The following TPO variants were observed in gnomAD, a reference collection of about 807,000 sequenced individuals.
The protein encoded by TPO is thyroid peroxidase, also known as thyroid microsomal antigen.
Under a neutral mutation model 96.9 loss-of-function variants are expected in TPO, and 78 were observed. The ratio of observed to expected loss-of-function variants is 0.81; its 90% CI spans 0.67 to 0.97. The LOEUF (loss-of-function observed/expected upper bound fraction) is 0.97. TPO is among the 50% of genes least tolerant of loss of function. The pLI, the probability that TPO is intolerant of heterozygous loss-of-function variation, is 0.00. For missense variants in TPO, 1,252 were observed against 1,274.8 expected, an observed-to-expected ratio of 0.98 and a Z score of 0.27; for synonymous variants, 547 against 538.0, an observed-to-expected ratio of 1.02 and a Z score of -0.23.
At chr2:1,489,055 C>T (rs184969423) in intron 10 of TPO, among the ~76,000 whole-genome samples, 8 of 151,446 alleles carry the variant, frequency 5.3e-5, no homozygotes, top group East Asian at 3.9e-4. Flanking sequence ...AGCACACACC[C>T]GCACATGCCC....
At chr2:1,416,869 G>A (rs1194687231) in intron 2 of TPO, among the ~76,000 whole-genome samples, 1 of 152,224 alleles carries the variant, frequency 6.6e-6, no homozygotes, top group Non-Finnish European at 1.5e-5. Flanking sequence ...CCCAGCCTCT[G>A]TGCAGGACAA....
intron 14 of TPO, among the ~76,000 whole-genome samples, chr2:1,511,699 T>G (rs1674150709): frequency 1.3e-5 from 2 of 152,170 alleles, no homozygotes; most frequent in South Asian, 4.1e-4. Flanking sequence ...TGGCCTCATC[T>G]CCTCATCTCA....
chr2:1,488,862 C>T (rs549805120), intron 10 of TPO, among the ~76,000 whole-genome samples: 20 of 152,282 alleles, frequency 1.3e-4, no homozygotes, highest in African/African-American at 4.6e-4. Context: ...GATCAGCAGC[C>T]ACACAGGCTG....
chr2:1,426,172 C>T (rs1477079692), intron 3 of TPO, among the ~76,000 whole-genome samples: 1 of 138,654 alleles, frequency 7.2e-6, no homozygotes, highest in Non-Finnish European at 1.5e-5. Context: ...GAGATGAGTT[C>T]GATCATTTCA....
rs1573351984 is a variant in TPO, at chr2:1,477,607, G to A, written c.1338+3G>A. 6.6e-7 allele frequency: 1 copy of A among 1,517,088 alleles called. No individual in the cohort carries two copies. Among genetic ancestry groups the A allele is most frequent in the Non-Finnish European group, 8.8e-7 (1 of 1,138,246 alleles). The allele number at this position is 1,517,088 out of a possible 1,614,324, so 94.0% of individuals were successfully genotyped here. On this transcript the variant is annotated splice_donor_region_variant and intron_variant, in intron 8 of 16. Transcript: ENST00000329066. ...AGGTCGTGGGCGCTCTGCACCAGGTGCGCGGGGTGGTCCTGGGCGCCCTGG... is the reference window on the plus strand; with the variant it reads ...AGGTCGTGGGCGCTCTGCACCAGGTACGCGGGGTGGTCCTGGGCGCCCTGG...
chr2:1,414,352 T>C lies in TPO; in HGVS notation c.-1-56T>C, dbSNP rs547926253. 1.2e-4 allele frequency: 180 copies of C among 1,526,408 alleles called. No homozygotes were observed. The African/African-American group carries it at 2.1e-3, about 18-fold the overall frequency. 94.6% of individuals were successfully genotyped at this position (1,526,408 alleles called of 1,614,324 possible). On this transcript the variant is annotated intron_variant, in intron 1 of 16. Coordinates refer to ENST00000329066, the MANE Select transcript of TPO (RefSeq NM_001206744.2). ...AGCAGGGAGACAAGGACACAGCGGTTCCCATGGCCTTGTCAGTGCTTGATT... is the reference window on the plus strand; with the variant it reads ...AGCAGGGAGACAAGGACACAGCGGTCCCCATGGCCTTGTCAGTGCTTGATT...
intron 1 of TPO, among the ~76,000 whole-genome samples, chr2:1,396,400 A>G (rs538238983): frequency 6.6e-6 from 1 of 152,368 alleles, no homozygotes; most frequent in East Asian, 1.9e-4. Context: ...TGGCAGAAGT[A>G]TAGACGTCCC....
chr2:1,499,886 G>A (rs1672706064), intron 13 of TPO, among the ~76,000 whole-genome samples: 1 of 152,188 alleles, frequency 6.6e-6, no homozygotes, highest in Non-Finnish European at 1.5e-5. Context: ...TGTGAAATGA[G>A]GACAGGAATA....
At chr2:1,393,967 ATGT>A (rs1662042651) in intron 1 of TPO, among the ~76,000 whole-genome samples, 1 of 152,214 alleles carries the variant, frequency 6.6e-6, no homozygotes, top group South Asian at 2.1e-4. Context: ...TAATTCGTTG[ATGT>A]TTATGTGTCA....
chr2:1,490,092 GAC>G, intron 10 of TPO, among the ~76,000 whole-genome samples: 1 of 71,526 alleles, frequency 1.4e-5, no homozygotes, highest in African/African-American at 8.2e-5. Context: ...GGGGAGTCAC[GAC>G]ACAGCAGTGT....
intron 11 of TPO, among the ~76,000 whole-genome samples, chr2:1,494,409 C>G (rs113803019): frequency 6.6e-6 from 1 of 152,242 alleles, no homozygotes; most frequent in African/African-American, 2.4e-5. Context: ...TGGACAGTGA[C>G]TCAGGCGCAG....
intron 15 of TPO, among the ~76,000 whole-genome samples, chr2:1,537,248 A>T (rs559455133): frequency 0.015 from 183 of 12,324 alleles, no homozygotes; most frequent in South Asian, 0.017. Context: ...GTTTCGAACC[A>T]CCTCAAATCC....
At chr2:1,506,336 A>G (rs1476218719) in intron 14 of TPO, among the ~76,000 whole-genome samples, 11 of 151,002 alleles carry the variant, frequency 7.3e-5, no homozygotes, top group Non-Finnish European at 8.9e-5. Flanking sequence ...TAGTGCTGCA[A>G]TAAACATATG....
At chr2:1,439,628 C>T (rs771507785) in intron 5 of TPO, among the ~76,000 whole-genome samples, 19 of 152,114 alleles carry the variant, frequency 1.2e-4, no homozygotes, top group Non-Finnish European at 2.2e-4. Flanking sequence ...CATCTCAGGC[C>T]GTTGGTAAGA....
chr2:1,447,788 T>C (rs1338225315), intron 5 of TPO, among the ~76,000 whole-genome samples: 8 of 152,208 alleles, frequency 5.3e-5, no homozygotes, highest in South Asian at 2.1e-4. Flanking sequence ...AACCATCCTT[T>C]ACCCAGTGAA....
intron 7 of TPO, among the ~76,000 whole-genome samples, chr2:1,458,165 G>A (rs564786032): frequency 6.6e-6 from 1 of 151,596 alleles, no homozygotes; most frequent in South Asian, 2.1e-4. Context: ...GTGGACACGT[G>A]TGTATATAGG....
At chr2:1,509,563 C>T (rs11893496) in intron 14 of TPO, among the ~76,000 whole-genome samples, 1 of 151,512 alleles carries the variant, frequency 6.6e-6, no homozygotes, top group East Asian at 2.0e-4. Flanking sequence ...GGACACCCCA[C>T]CCTCTTCTTT....
intron 1 of TPO, among the ~76,000 whole-genome samples, chr2:1,394,040 G>A (rs977120815): frequency 6.6e-6 from 1 of 152,130 alleles, no homozygotes; most frequent in Non-Finnish European, 1.5e-5. Flanking sequence ...TCTCCTCCAT[G>A]TGACAATTTT....
At chr2:1,413,755 C>T (rs976594019) in intron 1 of TPO, 37 of 985,056 alleles carry the variant, frequency 3.8e-5, no homozygotes, top group East Asian at 2.3e-4. Flanking sequence ...CCTAGATCAC[C>T]GTCTACTGAG....
Sources: gnomAD v4.1 joint callset for allele counts (sites outside exome capture counted in the v4.1 genomes callset) on GRCh38, gnomAD v4.1.1 for gene constraint, MANE v1.5 for transcripts, NCBI Gene and HGNC (gene_info 2026-07-23, HGNC 2026-07-21) for gene names.